The following ENTREP2 variants were observed in gnomAD, a reference collection of about 807,000 sequenced individuals.
ENTREP2 encodes the protein endosomal transmembrane epsin interactor 2.
At chr15:29,601,603 T>A in the ENTREP2 span, among the ~76,000 whole-genome samples, 1 of 152,192 alleles carries the variant, frequency 6.6e-6, no homozygotes, top group African/African-American at 2.4e-5. Flanking sequence ...ATCAGCTATG[T>A]CTTCCATAAC....
At chr15:29,647,406 T>C in the ENTREP2 span, among the ~76,000 whole-genome samples, 11 of 152,196 alleles carry the variant, frequency 7.2e-5, no homozygotes, top group African/African-American at 2.7e-4. Context: ...TGTTCATTTG[T>C]TCAAGACTTA....
the ENTREP2 span, among the ~76,000 whole-genome samples, chr15:29,396,795 A>T: frequency 6.6e-6 from 1 of 152,158 alleles, no homozygotes; most frequent in African/African-American, 2.4e-5. Flanking sequence ...ATAGGATGTT[A>T]GTTAAGGGTC....
chr15:29,363,039 G>A, the ENTREP2 span, among the ~76,000 whole-genome samples: 4 of 152,184 alleles, frequency 2.6e-5, no homozygotes, highest in African/African-American at 4.8e-5. Context: ...TGCTTTATGA[G>A]CACAGCAAAA....
At chr15:29,409,947 T>C in the ENTREP2 span, among the ~76,000 whole-genome samples, 1 of 152,184 alleles carries the variant, frequency 6.6e-6, no homozygotes, top group Non-Finnish European at 1.5e-5. Context: ...TACCTGAGCA[T>C]ATCTTCAGGG....
the ENTREP2 span, among the ~76,000 whole-genome samples, chr15:29,246,983 A>ACACC: frequency 6.6e-6 from 1 of 150,964 alleles, no homozygotes; most frequent in Non-Finnish European, 1.5e-5. Flanking sequence ...GCACACACAC[A>ACACC]CACACACACA....
chr15:29,578,434 C>T, the ENTREP2 span, among the ~76,000 whole-genome samples: 1 of 152,318 alleles, frequency 6.6e-6, no homozygotes, highest in African/African-American at 2.4e-5. Flanking sequence ...GCTGGACTCC[C>T]TGGACACTGA....
At chr15:29,174,925 C>T in the ENTREP2 span, among the ~76,000 whole-genome samples, 1 of 152,144 alleles carries the variant, frequency 6.6e-6, no homozygotes, top group Admixed American at 6.5e-5. Flanking sequence ...ATAGGTAATG[C>T]ATGAATTTGT....
chr15:29,170,843 G>A, the ENTREP2 span, among the ~76,000 whole-genome samples: 1 of 152,190 alleles, frequency 6.6e-6, no homozygotes, highest in Non-Finnish European at 1.5e-5. Context: ...TTCTGTTACA[G>A]CAACCTGTCT....
the ENTREP2 span, among the ~76,000 whole-genome samples, chr15:29,498,069 C>T: frequency 6.6e-6 from 1 of 152,150 alleles, no homozygotes; most frequent in African/African-American, 2.4e-5. Context: ...TTGCCCCATG[C>T]TTTTCTCGTG....
At chr15:29,452,826 T>C in the ENTREP2 span, 1 of 120,680 alleles carries the variant, frequency 8.3e-6, no homozygotes, top group Admixed American at 9.0e-5. Context: ...GGGTGGGGGG[T>C]TGGGGGGAGT....
chr15:29,403,135 G>A, the ENTREP2 span, among the ~76,000 whole-genome samples: 1 of 152,178 alleles, frequency 6.6e-6, no homozygotes, highest in Non-Finnish European at 1.5e-5. Flanking sequence ...GTAGGGGAGG[G>A]ACGGGGCCTG....
the ENTREP2 span, among the ~76,000 whole-genome samples, chr15:29,308,581 G>C: frequency 2.6e-5 from 4 of 152,088 alleles, no homozygotes; most frequent in African/African-American, 9.7e-5. Context: ...CCCACCCCTA[G>C]TTTCTTCCTC....
the ENTREP2 span, among the ~76,000 whole-genome samples, chr15:29,419,582 A>G: frequency 6.6e-6 from 1 of 152,214 alleles, no homozygotes; most frequent in African/African-American, 2.4e-5. Flanking sequence ...TTCTAAAACA[A>G]ACAAAACAGC....
the ENTREP2 span, among the ~76,000 whole-genome samples, chr15:29,656,415 C>A: frequency 6.6e-6 from 1 of 152,060 alleles, no homozygotes; most frequent in Non-Finnish European, 1.5e-5. Context: ...TTAATAGACA[C>A]GAAGTTTCAC....
At chr15:29,670,241 G>A in the ENTREP2 span, among the ~76,000 whole-genome samples, 2 of 152,266 alleles carry the variant, frequency 1.3e-5, no homozygotes, top group African/African-American at 4.8e-5. Context: ...CAGGGGAGAG[G>A]GAAGGTAAGC....
At chr15:29,441,550 G>A in the ENTREP2 span, among the ~76,000 whole-genome samples, 2 of 152,078 alleles carry the variant, frequency 1.3e-5, no homozygotes, top group Admixed American at 6.5e-5. Context: ...GGACAGTTAT[G>A]CGCACGTGTG....
chr15:29,643,598 C>T, the ENTREP2 span, among the ~76,000 whole-genome samples: 8 of 152,012 alleles, frequency 5.3e-5, no homozygotes, highest in South Asian at 4.2e-4. Flanking sequence ...CTGGCTAACA[C>T]GGTGAAACCC....
chr15:29,193,563 C>A, the ENTREP2 span, among the ~76,000 whole-genome samples: 1 of 152,160 alleles, frequency 6.6e-6, no homozygotes, highest in African/African-American at 2.4e-5. Flanking sequence ...AAACTCCCAG[C>A]TTTCCAGGGT....
the ENTREP2 span, among the ~76,000 whole-genome samples, chr15:29,152,032 G>A: frequency 6.5e-4 from 99 of 152,206 alleles, 1 homozygote; most frequent in East Asian, 0.012. Context: ...CGTTTATTCC[G>A]TTACAATGAT....
Sources: gnomAD v4.1 joint callset for allele counts (sites outside exome capture counted in the v4.1 genomes callset) on GRCh38, gnomAD v4.1.1 for gene constraint, MANE v1.5 for transcripts, NCBI Gene and HGNC (gene_info 2026-07-23, HGNC 2026-07-21) for gene names.